The following CDIN1 variants were observed in gnomAD, a reference collection of about 807,000 sequenced individuals.
The protein encoded by CDIN1 is CDAN1 interacting nuclease 1.
In CDIN1, 33 loss-of-function variants were observed where a neutral mutation model predicts 45.3. The ratio of observed to expected loss-of-function variants is 0.73; its 90% CI spans 0.55 to 0.97. CDIN1 has a LOEUF of 0.97. CDIN1 is among the 50% of genes least tolerant of loss of function. The pLI, the probability that CDIN1 is intolerant of heterozygous loss-of-function variation, is 0.00. For missense variants in CDIN1, 303 were observed against 339.4 expected, an observed-to-expected ratio of 0.89 and a Z score of 0.84; for synonymous variants, 118 against 124.4, an observed-to-expected ratio of 0.95 and a Z score of 0.34.
chr15:36,603,791 A>G (rs1338920405), intron 1 of CDIN1, among the ~76,000 whole-genome samples: 1 of 152,202 alleles, frequency 6.6e-6, no homozygotes, highest in Admixed American at 6.5e-5. Context: ...AGAACCCTGA[A>G]AAAAGAGTTA....
At chr15:36,630,892 A>G (rs942523551) in intron 1 of CDIN1, among the ~76,000 whole-genome samples, 1 of 152,218 alleles carries the variant, frequency 6.6e-6, no homozygotes, top group African/African-American at 2.4e-5. Flanking sequence ...GAGAACCAAT[A>G]GAGCAAGAGC....
At chr15:36,705,350 T>G (rs1479283637) in intron 8 of CDIN1, 2 of 152,180 alleles carry the variant, frequency 1.3e-5, no homozygotes, top group African/African-American at 4.8e-5. Flanking sequence ...TCTCTTACAT[T>G]TCAAGATCTT....
chr15:36,639,032 C>A (rs2040006692), intron 1 of CDIN1, among the ~76,000 whole-genome samples: 1 of 152,086 alleles, frequency 6.6e-6, no homozygotes. Context: ...CCTTCATTTC[C>A]CCATCTCTAA....
At chr15:36,644,409 GCT>G in intron 2 of CDIN1, 86 bp downstream of exon 2, 1 of 1,409,106 alleles carries the variant, frequency 7.1e-7, no homozygotes, top group Non-Finnish European at 9.9e-7. Flanking sequence ...TGAACTGCCA[GCT>G]CTCTGATTGG....
At chr15:36,677,610 C>G (rs1462666051) in intron 5 of CDIN1, among the ~76,000 whole-genome samples, 1 of 152,140 alleles carries the variant, frequency 6.6e-6, no homozygotes, top group African/African-American at 2.4e-5. Context: ...CCTGATCAAT[C>G]TCTTGTCATC....
At chr15:36,644,447 TC>T in intron 2 of CDIN1, 124 bp downstream of exon 2, 1 of 975,768 alleles carries the variant, frequency 1.0e-6, no homozygotes, top group South Asian at 1.7e-5. Context: ...CCTTTCCACA[TC>T]AAGCACCGCC....
intron 4 of CDIN1, among the ~76,000 whole-genome samples, chr15:36,654,524 A>AAC (rs1259113825): frequency 3.3e-5 from 5 of 150,780 alleles, no homozygotes; most frequent in Middle Eastern, 3.4e-3. Context: ...AAAAAAAAAA[A>AAC]AAAAAAAACT....
At chr15:36,741,632 T>G (rs1240077984) in intron 10 of CDIN1, among the ~76,000 whole-genome samples, 1 of 152,124 alleles carries the variant, frequency 6.6e-6, no homozygotes, top group Admixed American at 6.6e-5. Flanking sequence ...CATCAAAGTA[T>G]CGGCAGGGCT....
intron 5 of CDIN1, among the ~76,000 whole-genome samples, chr15:36,667,785 T>C (rs2041305970): frequency 6.6e-6 from 1 of 152,158 alleles, no homozygotes; most frequent in African/African-American, 2.4e-5. Context: ...TTAAGAAGCT[T>C]GATGAACAAC....
intron 1 of CDIN1, among the ~76,000 whole-genome samples, chr15:36,589,917 T>A (rs1219315524): frequency 6.6e-6 from 1 of 152,204 alleles, no homozygotes; most frequent in Non-Finnish European, 1.5e-5. Context: ...TGAAAGATGG[T>A]ACATGCTGAT....
chr15:36,681,334 T>G (rs1281084933), intron 5 of CDIN1, among the ~76,000 whole-genome samples: 1 of 151,930 alleles, frequency 6.6e-6, no homozygotes, highest in South Asian at 2.1e-4. Flanking sequence ...ACAAGAAAAT[T>G]TAGTGAATTC....
intron 1 of CDIN1, among the ~76,000 whole-genome samples, chr15:36,600,598 TGCTTTTTTTC>T (rs1449697527): frequency 2.0e-5 from 3 of 152,354 alleles, no homozygotes; most frequent in African/African-American, 7.2e-5. Flanking sequence ...AGAGACCTTC[TGCTTTTTTTC>T]CAGGTAACAG....
chr15:36,748,436 G>T (rs72708607), intron 10 of CDIN1, among the ~76,000 whole-genome samples: 25,381 of 152,108 alleles, frequency 0.17, 2,465 homozygotes, highest in East Asian at 0.29. Flanking sequence ...CACTTCTGCA[G>T]GGCAGAAACC....
At chr15:36,618,372 A>T in intron 1 of CDIN1, 1 of 691,136 alleles carries the variant, frequency 1.4e-6, no homozygotes, top group Non-Finnish European at 2.6e-6. Context: ...TCAAAAGGAG[A>T]CTTCCACTTT....
chr15:36,748,801 C>A (rs906524465), intron 10 of CDIN1, among the ~76,000 whole-genome samples: 1 of 152,108 alleles, frequency 6.6e-6, no homozygotes, highest in African/African-American at 2.4e-5. Context: ...ACATCACCAA[C>A]CACAGACTTG....
chr15:36,650,232 C>T lies in CDIN1; in HGVS notation c.213-3866C>T, dbSNP rs1476538584. Among the ~76,000 whole-genome samples the T allele has an allele frequency of 3.3e-5, 5 of 151,968 alleles. No homozygotes were observed. In the South Asian group the frequency reaches 6.2e-4, roughly 19 times the overall value. On this transcript the variant is annotated intron_variant, in intron 3 of 10. Transcript: ENST00000566621. ...TTATGCTCATGTGCACCAATTTAGG[C>T]GGACCTAAACAAATTTCACCAAGAA...
intron 10 of CDIN1, chr15:36,734,392 T>A (rs2043941897): frequency 2.7e-6 from 1 of 370,770 alleles, no homozygotes; most frequent in Non-Finnish European, 5.2e-6. Flanking sequence ...TTACTTTAAC[T>A]TTTATAATTT....
rs118104345 is a variant in CDIN1 at position 36,652,424 on chromosome 15, G to A, written c.213-1674G>A. Among the ~76,000 whole-genome samples the A allele has an allele frequency of 9.5e-3, 1,444 of 152,142 alleles. 10 individuals are homozygous for A. Among genetic ancestry groups the A allele is most frequent in the Non-Finnish European group, 0.016 (1,103 of 67,990 alleles). ...CAGAATCAGAAACCATAGTAAATAC[G>A]CACTCTTGGTGGTTACAGGCACACA... On this transcript the variant is annotated intron_variant, in intron 3 of 10. Transcript: ENST00000566621.
intron 1 of CDIN1, chr15:36,591,922 A>C (rs775766939): frequency 5.3e-5 from 8 of 152,210 alleles, no homozygotes; most frequent in Non-Finnish European, 1.2e-4. Context: ...AAGTGAATGA[A>C]TGAAGCTGAC....
Sources: allele counts gnomAD v4.1 joint callset (sites outside exome capture counted in the v4.1 genomes callset), GRCh38; gene constraint gnomAD v4.1.1; transcripts MANE v1.5; gene names NCBI Gene and HGNC (gene_info 2026-07-23, HGNC 2026-07-21).